PDGFC: variants seen among roughly 807,000 people sequenced by gnomAD.
PDGFC encodes platelet-derived growth factor C.
PDGFC carries 12 observed loss-of-function variants against 35.5 expected under a neutral mutation model. The observed-to-expected ratio is 0.34, with a 90% CI of 0.22 to 0.55. The LOEUF is 0.55. PDGFC is among the 20% of genes least tolerant of loss of function. The pLI, the probability that PDGFC is intolerant of heterozygous loss-of-function variation, is 0.91. For missense variants in PDGFC, 322 were observed against 412.4 expected (o/e 0.78, Z 1.90); for synonymous variants, 159 against 148.8 (o/e 1.07, Z -0.50).
At chr4:156,899,436 C>T (rs1730713849) in intron 1 of PDGFC, among the ~76,000 whole-genome samples, 1 of 152,198 alleles carries the variant, frequency 6.6e-6, no homozygotes, top group Admixed American at 6.5e-5. Flanking sequence ...TTCTTAAACA[C>T]AGAGTTTCTT....
chr4:156,954,896 T>A (rs1329645418), intron 1 of PDGFC, among the ~76,000 whole-genome samples: 1 of 152,038 alleles, frequency 6.6e-6, no homozygotes, highest in Non-Finnish European at 1.5e-5. Flanking sequence ...TGGGTCTAAG[T>A]GGGCTGTTTT....
At chr4:156,945,916 G>A (rs571697419) in intron 1 of PDGFC, among the ~76,000 whole-genome samples, 2 of 151,994 alleles carry the variant, frequency 1.3e-5, no homozygotes, top group Non-Finnish European at 2.9e-5. Context: ...AGCTGATCGC[G>A]TCTGATCCAA....
chr4:156,801,358 G>C (rs145261969), intron 3 of PDGFC, among the ~76,000 whole-genome samples: 1 of 152,098 alleles, frequency 6.6e-6, no homozygotes, highest in Admixed American at 6.6e-5. Context: ...GGCTCTATGT[G>C]CATTAAACTC....
At chr4:156,830,237 C>T (rs1219160129) in intron 2 of PDGFC, among the ~76,000 whole-genome samples, 1 of 149,610 alleles carries the variant, frequency 6.7e-6, no homozygotes, top group Admixed American at 6.7e-5. Context: ...TCTTTGAAGA[C>T]AGGAATTGCA....
chr4:156,874,214 A>G (rs1730054288), intron 1 of PDGFC, among the ~76,000 whole-genome samples: 1 of 152,238 alleles, frequency 6.6e-6, no homozygotes. Flanking sequence ...AGATGATAAC[A>G]TATAGCTGTG....
intron 3 of PDGFC, among the ~76,000 whole-genome samples, chr4:156,796,090 G>A (rs17035263): frequency 0.072 from 10,889 of 152,132 alleles, 1,301 homozygotes; most frequent in African/African-American, 0.25. Flanking sequence ...TGTGCTCCAA[G>A]CTGCAATGAT....
At chr4:156,825,750 G>C (rs1344847978) in intron 2 of PDGFC, among the ~76,000 whole-genome samples, 1 of 151,728 alleles carries the variant, frequency 6.6e-6, no homozygotes, top group African/African-American at 2.4e-5. Context: ...CCTATAGGCT[G>C]CTCCTTCTTT....
At chr4:156,895,748 T>C (rs1730619803) in intron 1 of PDGFC, among the ~76,000 whole-genome samples, 5 of 151,956 alleles carry the variant, frequency 3.3e-5, no homozygotes, top group Admixed American at 2.6e-4. Context: ...ATATAACATA[T>C]ATATAAAATA....
chr4:156,951,595 G>C (rs1366137050), intron 1 of PDGFC, among the ~76,000 whole-genome samples: 2 of 151,568 alleles, frequency 1.3e-5, no homozygotes, highest in Non-Finnish European at 3.0e-5. Flanking sequence ...AATTCAAATG[G>C]TGTATGACAA....
At chr4:156,915,056 C>CCA (rs1338107007) in intron 1 of PDGFC, among the ~76,000 whole-genome samples, 12 of 152,036 alleles carry the variant, frequency 7.9e-5, no homozygotes, top group Admixed American at 1.3e-4. Flanking sequence ...CTCTCCAAAA[C>CCA]CACACACACA....
chr4:156,852,662 A>G (rs771389943), intron 1 of PDGFC, among the ~76,000 whole-genome samples: 2 of 152,196 alleles, frequency 1.3e-5, no homozygotes, highest in African/African-American at 4.8e-5. Flanking sequence ...TGATTAGGTT[A>G]GTTGACTTTG....
At chr4:156,792,383 T>C (rs1243478056) in intron 3 of PDGFC, among the ~76,000 whole-genome samples, 4 of 152,044 alleles carry the variant, frequency 2.6e-5, no homozygotes, top group African/African-American at 4.8e-5. Flanking sequence ...CAATTTGGAA[T>C]TGAGTTAGAA....
chr4:156,808,203 C>T (rs1426935418), intron 3 of PDGFC, among the ~76,000 whole-genome samples: 1 of 152,022 alleles, frequency 6.6e-6, no homozygotes, highest in Non-Finnish European at 1.5e-5. Flanking sequence ...TTTTGGACAA[C>T]TCTAAGATGA....
rs1422543072 is a variant in PDGFC, at chr4:156,824,373, CAT to C, written c.315-13358_315-13357del. 2.1e-5 allele frequency among the ~76,000 whole-genome samples: 3 copies of C among 144,092 alleles called. No homozygotes were observed. In the East Asian group the frequency reaches 6.1e-4, roughly 29 times the overall value. The allele number at this position is 144,092 out of a possible 152,430, so 94.5% of individuals were successfully genotyped here. On this transcript the variant is annotated intron_variant, in intron 2 of 5. Transcript: ENST00000502773. Reference sequence around the variant, plus strand: ...ACATATACACACATATATACACACACATACATACATACACACACATATATATA... The same window carrying C: ...ACATATACACACATATATACACACACACATACATACACACACATATATATA...
chr4:156,857,973 G>T (rs1001375064), intron 1 of PDGFC, among the ~76,000 whole-genome samples: 1 of 152,028 alleles, frequency 6.6e-6, no homozygotes, highest in Admixed American at 6.6e-5. Flanking sequence ...TCTCAGTGTT[G>T]TGAATAAATA....
At chr4:156,781,326 C>G (rs1199525660) in intron 3 of PDGFC, among the ~76,000 whole-genome samples, 1 of 152,232 alleles carries the variant, frequency 6.6e-6, no homozygotes, top group East Asian at 1.9e-4. Context: ...TCTAACTGGT[C>G]TCCCTGTTAA....
chr4:156,926,564 C>T (rs919679750), intron 1 of PDGFC, among the ~76,000 whole-genome samples: 8 of 152,164 alleles, frequency 5.3e-5, no homozygotes, highest in Non-Finnish European at 7.3e-5. Context: ...AACAAAGGGG[C>T]GACCAGCCCC....
At chr4:156,890,006 A>G (rs1374675805) in intron 1 of PDGFC, among the ~76,000 whole-genome samples, 1 of 152,134 alleles carries the variant, frequency 6.6e-6, no homozygotes, top group East Asian at 1.9e-4. Flanking sequence ...TTACTTATTT[A>G]TAAGTAAGCA....
chr4:156,883,389 C>A (rs1202983458), intron 1 of PDGFC, among the ~76,000 whole-genome samples: 2 of 152,020 alleles, frequency 1.3e-5, no homozygotes, highest in Non-Finnish European at 1.5e-5. Flanking sequence ...TAAAAATGAA[C>A]CCAGGTGATT....
Sources: gnomAD v4.1 joint callset for allele counts (sites outside exome capture counted in the v4.1 genomes callset) on GRCh38, gnomAD v4.1.1 for gene constraint, MANE v1.5 for transcripts, NCBI Gene and HGNC (gene_info 2026-07-23, HGNC 2026-07-21) for gene names.